CDH13: variants seen among roughly 807,000 people sequenced by gnomAD.
The protein encoded by CDH13 is cadherin 13, also known as cadherin-13.
In CDH13, 24 loss-of-function variants were observed where a neutral mutation model predicts 63.8. That is an observed-to-expected ratio of 0.38 (90% CI 0.27 to 0.53). CDH13 has a LOEUF of 0.53. Ranked by LOEUF, CDH13 falls within the 20% of genes least tolerant of loss-of-function variation. The pLI is 0.85. For synonymous variants in CDH13, 503 were observed against 355.3 expected, an observed-to-expected ratio of 1.42 and a Z score of -4.67; for missense variants, 1,049 against 903.1, an observed-to-expected ratio of 1.16 and a Z score of -2.07.
chr16:83,515,369 G>A lies in CDH13; in HGVS notation c.960+28714G>A, dbSNP rs764076472. 5.3e-5 allele frequency among the ~76,000 whole-genome samples: 8 copies of A among 152,134 alleles called. 1 individual carries two copies. Among genetic ancestry groups the A allele is most frequent in the South Asian group, 4.1e-4 (2 of 4,830 alleles). The stretch of plus-strand genomic sequence containing the variant: ...CTGCAGTAACTTTGAAGTTACTGTC[G>A]TTTTATGCACTCACGAAGAGTTAAC... On this transcript the variant is annotated intron_variant, in intron 7 of 13. Coordinates refer to ENST00000567109, the MANE Select transcript of CDH13 (RefSeq NM_001257.5).
At chr16:83,262,050 G>C (rs1458754067) in intron 5 of CDH13, among the ~76,000 whole-genome samples, 2 of 152,274 alleles carry the variant, frequency 1.3e-5, no homozygotes, top group South Asian at 4.2e-4. Flanking sequence ...CTGTCTTCAC[G>C]CTGGCACACT....
At chr16:82,836,569 C>G (rs903930069) in intron 1 of CDH13, among the ~76,000 whole-genome samples, 1 of 152,084 alleles carries the variant, frequency 6.6e-6, no homozygotes, top group African/African-American at 2.4e-5. Flanking sequence ...GGATGTTAGG[C>G]CTACAGAGAT....
At chr16:82,834,380 T>C (rs559304482) in intron 1 of CDH13, among the ~76,000 whole-genome samples, 3 of 152,328 alleles carry the variant, frequency 2.0e-5, no homozygotes, top group East Asian at 3.9e-4. Context: ...TTCCTTTATC[T>C]GTCGATTCAA....
At chr16:83,526,591 C>T (rs529488335) in intron 7 of CDH13, among the ~76,000 whole-genome samples, 202 of 152,332 alleles carry the variant, frequency 1.3e-3, no homozygotes, top group Non-Finnish European at 2.2e-3. Context: ...CACTGCTCAC[C>T]TCCTGCTGTG....
At chr16:83,157,938 CAG>C (rs977357077) in intron 4 of CDH13, among the ~76,000 whole-genome samples, 1 of 151,516 alleles carries the variant, frequency 6.6e-6, no homozygotes, top group Non-Finnish European at 1.5e-5. Context: ...AAAAAGAAAA[CAG>C]AAAGAAATGT....
chr16:83,645,935 A>G (rs1446344258), intron 8 of CDH13, among the ~76,000 whole-genome samples: 4 of 152,174 alleles, frequency 2.6e-5, no homozygotes. Flanking sequence ...TTAGAAAACC[A>G]ATTGTGAATC....
At chr16:83,401,769 A>G (rs1270596394) in intron 6 of CDH13, among the ~76,000 whole-genome samples, 1 of 152,244 alleles carries the variant, frequency 6.6e-6, no homozygotes, top group Non-Finnish European at 1.5e-5. Context: ...AGTTCCCTCA[A>G]CAAAGAATTA....
chr16:83,505,081 TCATA>T (rs1169226297), intron 7 of CDH13, among the ~76,000 whole-genome samples: 2 of 152,166 alleles, frequency 1.3e-5, no homozygotes, highest in Non-Finnish European at 2.9e-5. Context: ...CCTGTCACTC[TCATA>T]CAAAGGATGT....
At chr16:83,599,081 G>T (rs980384044) in intron 7 of CDH13, among the ~76,000 whole-genome samples, 5 of 152,172 alleles carry the variant, frequency 3.3e-5, no homozygotes, top group Non-Finnish European at 7.3e-5. Flanking sequence ...CCTGTACTGA[G>T]GGTGAGGAAG....
At chr16:83,719,772 G>A (rs1449379189) in intron 10 of CDH13, among the ~76,000 whole-genome samples, 3 of 152,096 alleles carry the variant, frequency 2.0e-5, no homozygotes, top group South Asian at 2.1e-4. Context: ...AAGCCCCTGA[G>A]TACCAATCCC....
chr16:83,178,154 C>A (rs868188669), intron 4 of CDH13, among the ~76,000 whole-genome samples: 4 of 152,208 alleles, frequency 2.6e-5, no homozygotes, highest in Middle Eastern at 3.4e-3. Context: ...AAAGGTTGAT[C>A]CAGATTAGGG....
At chr16:83,519,288 T>A (rs916508587) in intron 7 of CDH13, among the ~76,000 whole-genome samples, 1 of 152,072 alleles carries the variant, frequency 6.6e-6, no homozygotes, top group African/African-American at 2.4e-5. Flanking sequence ...AGCATTGGAG[T>A]CCAGTGATAT....
At chr16:83,599,316 C>G (rs554808911) in intron 7 of CDH13, among the ~76,000 whole-genome samples, 1 of 152,308 alleles carries the variant, frequency 6.6e-6, no homozygotes. Context: ...TGCTTCACCG[C>G]GCAATGTCAG....
Position 82,653,280 on chromosome 16 carries a change from T to G in CDH13, c.45+26143T>G, listed in dbSNP as rs553966155. On this transcript the variant is annotated intron_variant, in intron 1 of 13. Coordinates refer to ENST00000567109, the MANE Select transcript of CDH13 (RefSeq NM_001257.5). ...TTACGTGGCAACTCATGGAAAACAT[T>G]GAGCTGAATACTTGGGCTTTTGCAC... Among the ~76,000 whole-genome samples the G allele has an allele frequency of 2.4e-4, 36 of 152,292 alleles. No individual in the cohort carries two copies. The South Asian group carries it at 7.5e-3, about 32-fold the overall frequency.
At chr16:82,921,848 T>G (rs2042165445) in intron 2 of CDH13, among the ~76,000 whole-genome samples, 1 of 152,172 alleles carries the variant, frequency 6.6e-6, no homozygotes, top group Non-Finnish European at 1.5e-5. Context: ...AAATGCTTGA[T>G]AAAACTTACC....
chr16:82,907,281 A>C (rs1474376414), intron 2 of CDH13, among the ~76,000 whole-genome samples: 1 of 152,122 alleles, frequency 6.6e-6, no homozygotes, highest in African/African-American at 2.4e-5. Flanking sequence ...GGGGTGGCCC[A>C]CAGTGACCCC....
intron 1 of CDH13, among the ~76,000 whole-genome samples, chr16:82,742,596 C>T (rs911200452): frequency 1.3e-5 from 2 of 151,992 alleles, no homozygotes; most frequent in African/African-American, 2.4e-5. Flanking sequence ...TAGAATTGTT[C>T]TTAATTTAAA....
At chr16:83,334,359 TCTCACACA>T (rs1280611950) in intron 5 of CDH13, among the ~76,000 whole-genome samples, 26 of 88,558 alleles carry the variant, frequency 2.9e-4, no homozygotes, top group Middle Eastern at 0.013. Context: ...TCTCTCTCTC[TCTCACACA>T]CACACACACA....
chr16:83,406,996 A>G (rs34733824), intron 6 of CDH13, among the ~76,000 whole-genome samples: 12,789 of 152,314 alleles, frequency 0.084, 594 homozygotes, highest in Middle Eastern at 0.14. Context: ...TTAATGAAAC[A>G]CATACATCAA....
Sources: allele counts gnomAD v4.1 joint callset (sites outside exome capture counted in the v4.1 genomes callset), GRCh38; gene constraint gnomAD v4.1.1; transcripts MANE v1.5; gene names NCBI Gene and HGNC (gene_info 2026-07-23, HGNC 2026-07-21).